ROBO2: variants seen among roughly 807,000 people sequenced by gnomAD.
ROBO2 encodes roundabout homolog 2.
In ROBO2, 53 loss-of-function variants were observed where a neutral mutation model predicts 160.8. The observed-to-expected ratio is 0.33, with a 90% CI of 0.26 to 0.41. The LOEUF (loss-of-function observed/expected upper bound fraction) is 0.41. Among genes scored for constraint, ROBO2 ranks in the 10% least tolerant of loss-of-function variants. The probability of loss-of-function intolerance (pLI) is 1.00; values close to 1 mark genes in which losing one functional copy is unlikely to be tolerated. For missense variants in ROBO2, 1,577 were observed against 1,722.4 expected, an observed-to-expected ratio of 0.92 and a Z score of 1.49; for synonymous variants, 664 against 611.7, an observed-to-expected ratio of 1.09 and a Z score of -1.26.
At chr3:76,911,542 C>T (rs1368776318) in intron 2 of ROBO2, among the ~76,000 whole-genome samples, 2 of 152,172 alleles carry the variant, frequency 1.3e-5, no homozygotes, top group African/African-American at 2.4e-5. Context: ...ATGAGGACAA[C>T]TTTGATGTAC....
At chr3:76,696,974 C>A (rs917443088) in intron 2 of ROBO2, among the ~76,000 whole-genome samples, 1 of 152,072 alleles carries the variant, frequency 6.6e-6, no homozygotes, top group Non-Finnish European at 1.5e-5. Flanking sequence ...AACAGTGGTG[C>A]TGGACTGGGA....
chr3:77,508,024 C>A (rs940753047), intron 5 of ROBO2, among the ~76,000 whole-genome samples: 3 of 151,824 alleles, frequency 2.0e-5, no homozygotes, highest in Admixed American at 2.0e-4. Context: ...CCTTTCTGAT[C>A]ATGATAAACC....
At chr3:76,768,231 C>G (rs1482622185) in intron 2 of ROBO2, among the ~76,000 whole-genome samples, 1 of 151,302 alleles carries the variant, frequency 6.6e-6, no homozygotes, top group Non-Finnish European at 1.5e-5. Flanking sequence ...CTCAGAGTTC[C>G]TCCAACTTGT....
intron 2 of ROBO2, among the ~76,000 whole-genome samples, chr3:76,502,103 T>C (rs192417071): frequency 6.6e-4 from 100 of 152,322 alleles, no homozygotes; most frequent in African/African-American, 1.8e-3. Context: ...AAAGTGTTCA[T>C]GACATCAATT....
At chr3:76,283,136 G>GTATATATATATATATATATATATA (rs547807116) in intron 2 of ROBO2, among the ~76,000 whole-genome samples, 10,687 of 62,932 alleles carry the variant, frequency 0.17, 2,073 homozygotes, top group Non-Finnish European at 0.24. Context: ...ATATAAAACT[G>GTATATATATATATATATATATATA]TATATATATA....
At chr3:75,927,525 ATT>A (rs1369477411) in intron 1 of ROBO2, among the ~76,000 whole-genome samples, 1 of 152,226 alleles carries the variant, frequency 6.6e-6, no homozygotes, top group Admixed American at 6.5e-5. Flanking sequence ...CTTTAAGACT[ATT>A]GCTCACATAG....
rs376264051 is a variant in ROBO2 at position 76,845,492 on chromosome 3, T to C, written c.110-252522T>C. On this transcript the variant is annotated intron_variant, in intron 2 of 26. Transcript: ENST00000487694. ...TTATCTTTCCAATGTGACAGAGATA[T>C]AGAAGGACTTACCCCAAGATCTCGA... 4.6e-5 allele frequency among the ~76,000 whole-genome samples: 7 copies of C among 152,094 alleles called. No individual in the cohort carries two copies. The East Asian group carries it at 1.2e-3, about 25-fold the overall frequency.
chr3:76,985,658 A>C (rs1372269187), intron 2 of ROBO2, among the ~76,000 whole-genome samples: 1 of 148,388 alleles, frequency 6.7e-6, no homozygotes, highest in Non-Finnish European at 1.5e-5. Flanking sequence ...TCTCTCTAGG[A>C]GGACATAATC....
intron 2 of ROBO2, among the ~76,000 whole-genome samples, chr3:76,133,471 A>G (rs749222927): frequency 1.3e-4 from 20 of 152,046 alleles, no homozygotes; most frequent in Non-Finnish European, 2.6e-4. Flanking sequence ...GAATATATGA[A>G]AAGAAGTTTA....
intron 2 of ROBO2, among the ~76,000 whole-genome samples, chr3:76,281,112 T>C (rs1165951520): frequency 1.3e-5 from 2 of 151,898 alleles, no homozygotes; most frequent in East Asian, 1.9e-4. Flanking sequence ...ATATCAAAAA[T>C]AATAAATCCA....
intron 8 of ROBO2, among the ~76,000 whole-genome samples, chr3:77,555,989 C>T (rs927409672): frequency 4.6e-5 from 7 of 151,736 alleles, no homozygotes; most frequent in African/African-American, 1.5e-4. Context: ...AATTAGATGA[C>T]CTTTGGCTGC....
At chr3:76,890,320 C>G (rs2074251471) in intron 2 of ROBO2, among the ~76,000 whole-genome samples, 1 of 152,170 alleles carries the variant, frequency 6.6e-6, no homozygotes. Context: ...TCAACAGCAT[C>G]CTTAGTAAAT....
chr3:75,984,881 A>G (rs2065372938), intron 2 of ROBO2, among the ~76,000 whole-genome samples: 1 of 151,412 alleles, frequency 6.6e-6, no homozygotes, highest in African/African-American at 2.4e-5. Context: ...CATATTTTGT[A>G]TAATGTACTG....
intron 2 of ROBO2, among the ~76,000 whole-genome samples, chr3:75,944,051 TTTAAAA>T (rs778125290): frequency 2.6e-3 from 391 of 152,242 alleles, no homozygotes; most frequent in Non-Finnish European, 4.5e-3. Context: ...ATATAAATTG[TTTAAAA>T]TTAATCTGTA....
chr3:77,479,437 G>A (rs903888472), intron 3 of ROBO2, among the ~76,000 whole-genome samples: 3 of 152,144 alleles, frequency 2.0e-5, no homozygotes, highest in Non-Finnish European at 4.4e-5. Flanking sequence ...TCTGTTCTTG[G>A]GGCAAGTGGA....
intron 2 of ROBO2, among the ~76,000 whole-genome samples, chr3:77,450,523 T>A (rs1012879602): frequency 6.6e-6 from 1 of 152,110 alleles, no homozygotes; most frequent in Non-Finnish European, 1.5e-5. Context: ...TGCTGTATAA[T>A]AGATACCCAA....
chr3:76,048,023 T>C (rs1007110641), intron 2 of ROBO2, among the ~76,000 whole-genome samples: 2 of 152,214 alleles, frequency 1.3e-5, no homozygotes, highest in African/African-American at 4.8e-5. Flanking sequence ...TGAATAACAA[T>C]AGCTTTATTG....
intron 2 of ROBO2, among the ~76,000 whole-genome samples, chr3:77,155,576 G>T (rs2150566126): frequency 6.6e-6 from 1 of 152,092 alleles, no homozygotes; most frequent in East Asian, 1.9e-4. Flanking sequence ...ACTTCTACAG[G>T]TTTCTATGAT....
At chr3:76,112,738 A>G (rs1426944534) in intron 2 of ROBO2, among the ~76,000 whole-genome samples, 1 of 152,078 alleles carries the variant, frequency 6.6e-6, no homozygotes, top group Non-Finnish European at 1.5e-5. Flanking sequence ...TTTTAAATAT[A>G]ATAAAATTAT....
Sources: allele counts gnomAD v4.1 joint callset (sites outside exome capture counted in the v4.1 genomes callset), GRCh38; gene constraint gnomAD v4.1.1; transcripts MANE v1.5; gene names NCBI Gene and HGNC (gene_info 2026-07-23, HGNC 2026-07-21).